The following CAB39L variants were observed in gnomAD, a reference collection of about 807,000 sequenced individuals.
CAB39L encodes calcium-binding protein 39-like.
A neutral mutation model predicts 39.1 loss-of-function variants in CAB39L; 23 were observed. That is an observed-to-expected ratio of 0.59 (90% CI 0.42 to 0.83). CAB39L has a LOEUF of 0.83. Ranked by LOEUF, CAB39L falls within the 40% of genes least tolerant of loss-of-function variation. The pLI, the probability that CAB39L is intolerant of heterozygous loss-of-function variation, is 0.00. For synonymous variants in CAB39L, 126 were observed against 137.2 expected (o/e 0.92, Z 0.57); for missense variants, 366 against 391.9 (o/e 0.93, Z 0.56).
intron 10 of CAB39L, among the ~76,000 whole-genome samples, chr13:49,322,804 A>G (rs1954385801): frequency 6.6e-6 from 1 of 152,186 alleles, no homozygotes; most frequent in Non-Finnish European, 1.5e-5. Context: ...AGATCCCCTG[A>G]AAAGGTGATT....
At chr13:49,370,528 G>A (rs1157545591) in intron 5 of CAB39L, among the ~76,000 whole-genome samples, 2 of 152,186 alleles carry the variant, frequency 1.3e-5, no homozygotes, top group Non-Finnish European at 2.9e-5. Context: ...CTTTTGGTCA[G>A]ATATCCACTT....
At chr13:49,376,538 G>A (rs1956063800) in intron 5 of CAB39L, among the ~76,000 whole-genome samples, 1 of 152,174 alleles carries the variant, frequency 6.6e-6, no homozygotes, top group Non-Finnish European at 1.5e-5. Context: ...AGAACTGTCT[G>A]AATTTGAAGC....
intron 3 of CAB39L, among the ~76,000 whole-genome samples, chr13:49,400,005 T>C (rs555578491): frequency 1.2e-4 from 19 of 152,094 alleles, no homozygotes; most frequent in African/African-American, 4.6e-4. Context: ...AAACAAAACC[T>C]GTTTTACAGG....
chr13:49,388,594 G>A (rs568273657), intron 3 of CAB39L, among the ~76,000 whole-genome samples: 40 of 152,116 alleles, frequency 2.6e-4, no homozygotes, highest in African/African-American at 9.6e-4. Flanking sequence ...TACTAAAAAT[G>A]GAACAAAAAG....
At chr13:49,377,886 G>C (rs1240305876) in intron 4 of CAB39L, among the ~76,000 whole-genome samples, 7 of 82,618 alleles carry the variant, frequency 8.5e-5, no homozygotes, top group Non-Finnish European at 1.2e-4. Flanking sequence ...CCGCCCGGCC[G>C]CCATCCCATC....
chr13:49,373,682 C>T (rs1453673202), intron 5 of CAB39L, among the ~76,000 whole-genome samples: 1 of 152,210 alleles, frequency 6.6e-6, no homozygotes, highest in Non-Finnish European at 1.5e-5. Flanking sequence ...ATCTCATTCT[C>T]ATTACTACAT....
chr13:49,412,628 A>C (rs1957011023), intron 3 of CAB39L, among the ~76,000 whole-genome samples: 1 of 152,130 alleles, frequency 6.6e-6, no homozygotes, highest in Admixed American at 6.5e-5. Context: ...CTATTACTCA[A>C]TTACGTTAAG....
At chr13:49,325,028 C>T (rs1200368410) in intron 10 of CAB39L, among the ~76,000 whole-genome samples, 1 of 152,128 alleles carries the variant, frequency 6.6e-6, no homozygotes, top group Non-Finnish European at 1.5e-5. Flanking sequence ...CATTCAGTAG[C>T]AGGATTATCA....
At chr13:49,361,004 A>G (rs1018959558) in intron 5 of CAB39L, among the ~76,000 whole-genome samples, 1 of 152,108 alleles carries the variant, frequency 6.6e-6, no homozygotes, top group African/African-American at 2.4e-5. Context: ...TGCATTCTCA[A>G]TCAGTATGGC....
chr13:49,364,677 A>G (rs1034402956), intron 5 of CAB39L, among the ~76,000 whole-genome samples: 4 of 152,192 alleles, frequency 2.6e-5, no homozygotes, highest in Non-Finnish European at 5.9e-5. Flanking sequence ...AAATCAAAAA[A>G]GAAATCCCAT....
chr13:49,339,614 C>T, intron 9 of CAB39L, 63 bp downstream of exon 9: 1 of 1,423,064 alleles, frequency 7.0e-7, no homozygotes, highest in Non-Finnish European at 9.2e-7. Flanking sequence ...TACTAATAGA[C>T]CCGTCATTTG....
chr13:49,382,205 T>G (rs930996482), intron 4 of CAB39L, among the ~76,000 whole-genome samples: 2 of 152,164 alleles, frequency 1.3e-5, no homozygotes, highest in African/African-American at 4.8e-5. Context: ...GGGCCAAGAT[T>G]TGGCTCAATA....
At chr13:49,334,236 T>G (rs767610771) in intron 9 of CAB39L, among the ~76,000 whole-genome samples, 5 of 152,222 alleles carry the variant, frequency 3.3e-5, no homozygotes, top group Admixed American at 6.5e-5. Flanking sequence ...TTCTGCACAT[T>G]TTGTCAAAGA....
At chr13:49,411,848 T>C (rs1405607273) in intron 3 of CAB39L, among the ~76,000 whole-genome samples, 2 of 152,192 alleles carry the variant, frequency 1.3e-5, no homozygotes, top group Admixed American at 6.5e-5. Context: ...ACACAGGGCA[T>C]AGAAGGGATC....
intron 3 of CAB39L, among the ~76,000 whole-genome samples, chr13:49,412,099 G>A (rs1957001902): frequency 6.6e-6 from 1 of 152,092 alleles, no homozygotes; most frequent in African/African-American, 2.4e-5. Context: ...GGAGTTGATA[G>A]GGGTTCAGCA....
Position 49,378,042 on chromosome 13 carries a change from G to A in CAB39L, c.112-911C>T, listed in dbSNP as rs1458656211. On this transcript the variant is annotated intron_variant, in intron 4 of 10. Coordinates refer to ENST00000409308, the MANE Select transcript of CAB39L (RefSeq NM_001079670.3). ...ATGTGAGGAGTGCCTCTGCCCGGCC[G>A]AGACCCCGTCTGGGAGGTGAGGAGC... Among the ~76,000 whole-genome samples the A allele has an allele frequency of 3.7e-5, 3 of 81,236 alleles. 1 individual carries two copies. The highest frequency in any genetic ancestry group is 7.3e-5 in the Non-Finnish European group (3 of 40,936). The allele number at this position is 81,236 out of a possible 152,430, so 53.3% of individuals were successfully genotyped here.
intron 3 of CAB39L, among the ~76,000 whole-genome samples, chr13:49,425,624 G>C (rs1198568265): frequency 1.3e-5 from 2 of 152,112 alleles, no homozygotes; most frequent in Admixed American, 6.6e-5. Context: ...TTACAGAAAA[G>C]GTTTGCCAAC....
intron 3 of CAB39L, among the ~76,000 whole-genome samples, chr13:49,423,674 G>A (rs774939346): frequency 6.6e-6 from 1 of 152,026 alleles, no homozygotes. Flanking sequence ...ATAAAAACAA[G>A]TAAGCAACTC....
chr13:49,351,421 TA>T (rs1222401526), intron 6 of CAB39L, among the ~76,000 whole-genome samples: 1 of 151,940 alleles, frequency 6.6e-6, no homozygotes, highest in African/African-American at 2.4e-5. Flanking sequence ...GAAGGAGGAA[TA>T]AAGCCTGTGT....
Sources: gnomAD v4.1 joint callset for allele counts (sites outside exome capture counted in the v4.1 genomes callset) on GRCh38, gnomAD v4.1.1 for gene constraint, MANE v1.5 for transcripts, NCBI Gene and HGNC (gene_info 2026-07-23, HGNC 2026-07-21) for gene names.